Variants in SCHIP1 observed in about 807,000 individuals in gnomAD.
SCHIP1 encodes the protein schwannomin-interacting protein 1.
SCHIP1 carries 8 observed loss-of-function variants against 29.7 expected under a neutral mutation model. The observed-to-expected ratio is 0.27, with a 90% confidence interval of 0.16 to 0.49. The LOEUF is 0.49. Among genes scored for constraint, SCHIP1 ranks in the 20% least tolerant of loss-of-function variants. The pLI is 0.99. For missense variants in SCHIP1, 193 were observed against 294.6 expected (o/e 0.66, Z 2.52); for synonymous variants, 76 against 94.9 (o/e 0.80, Z 1.16).
chr3:159,551,389 G>GC, the SCHIP1 span, among the ~76,000 whole-genome samples: 7 of 152,112 alleles, frequency 4.6e-5, no homozygotes, highest in South Asian at 4.1e-4. Context: ...GCCTAAAATG[G>GC]CCTGCTGCGT....
At chr3:159,763,738 A>T in the SCHIP1 span, 5 of 152,346 alleles carry the variant, frequency 3.3e-5, no homozygotes, top group Admixed American at 3.3e-4. Context: ...CGCCCCGGCC[A>T]GGCACACCTT....
the SCHIP1 span, among the ~76,000 whole-genome samples, chr3:159,656,435 C>T: frequency 6.6e-6 from 1 of 152,060 alleles, no homozygotes; most frequent in Admixed American, 6.5e-5. Flanking sequence ...AGAGAGTTCT[C>T]GAAGAAAGGC....
At chr3:159,653,079 A>G in the SCHIP1 span, among the ~76,000 whole-genome samples, 8 of 152,146 alleles carry the variant, frequency 5.3e-5, no homozygotes, top group African/African-American at 1.9e-4. Flanking sequence ...AGGAAATAAG[A>G]TCTACTGTTT....
the SCHIP1 span, among the ~76,000 whole-genome samples, chr3:159,387,981 T>C: frequency 1.3e-5 from 2 of 152,158 alleles, no homozygotes; most frequent in Admixed American, 1.3e-4. Flanking sequence ...AGAAGAGCTA[T>C]TAGAAACATA....
At chr3:159,746,684 T>TCCTACCATTTCCAGCCTCTTTC in the SCHIP1 span, among the ~76,000 whole-genome samples, 4 of 152,198 alleles carry the variant, frequency 2.6e-5, no homozygotes, top group African/African-American at 7.2e-5. Flanking sequence ...CTCTTGCTTT[T>TCCTACCATTTCCAGCCTCTTTC]CCTACCATTT....
intron 2 of SCHIP1, among the ~76,000 whole-genome samples, chr3:159,882,590 T>C (rs1348377148): frequency 6.6e-6 from 1 of 152,212 alleles, no homozygotes; most frequent in East Asian, 1.9e-4. Context: ...CAGCAAACTT[T>C]AGGGCCATGA....
the SCHIP1 span, among the ~76,000 whole-genome samples, chr3:159,345,019 C>T: frequency 2.6e-5 from 4 of 152,062 alleles, no homozygotes; most frequent in South Asian, 4.2e-4. Flanking sequence ...GAGGCTGAGG[C>T]GCATTCAAGA....
intron 1 of SCHIP1, among the ~76,000 whole-genome samples, chr3:159,862,461 T>C (rs1714164574): frequency 6.6e-6 from 1 of 152,196 alleles, no homozygotes; most frequent in Non-Finnish European, 1.5e-5. Context: ...ACAGGTCAGG[T>C]ACAGCTGCTA....
the SCHIP1 span, among the ~76,000 whole-genome samples, chr3:159,415,130 C>T: frequency 6.6e-6 from 1 of 152,148 alleles, no homozygotes; most frequent in Admixed American, 6.6e-5. Flanking sequence ...GATTTGGCAC[C>T]AGCATGTTCA....
the SCHIP1 span, among the ~76,000 whole-genome samples, chr3:159,766,879 C>G: frequency 1.3e-5 from 2 of 152,182 alleles, no homozygotes; most frequent in Non-Finnish European, 2.9e-5. Context: ...ACCCCCAACG[C>G]ATCTTCTGGT....
chr3:159,444,545 G>T, the SCHIP1 span, among the ~76,000 whole-genome samples: 2 of 152,134 alleles, frequency 1.3e-5, no homozygotes, highest in Non-Finnish European at 2.9e-5. Flanking sequence ...GTTAAAAGTG[G>T]TTAATTGAAT....
At chr3:159,277,252 T>C in the SCHIP1 span, among the ~76,000 whole-genome samples, 1 of 152,292 alleles carries the variant, frequency 6.6e-6, no homozygotes, top group South Asian at 2.1e-4. Context: ...AGCATGTACA[T>C]TGATTACCCA....
the SCHIP1 span, among the ~76,000 whole-genome samples, chr3:159,751,542 ATTAT>A: frequency 7.1e-6 from 1 of 141,392 alleles, no homozygotes; most frequent in Non-Finnish European, 1.5e-5. Flanking sequence ...CTTCTGAACA[ATTAT>A]TTCTTTTTTT....
chr3:159,852,172 T>C (rs1712734016), intron 1 of SCHIP1, among the ~76,000 whole-genome samples: 1 of 152,226 alleles, frequency 6.6e-6, no homozygotes, highest in South Asian at 2.1e-4. Context: ...CAAAAGGTTA[T>C]CTTGAATAGC....
At chr3:159,520,029 T>C in the SCHIP1 span, among the ~76,000 whole-genome samples, 6 of 151,076 alleles carry the variant, frequency 4.0e-5, no homozygotes, top group African/African-American at 1.5e-4. Flanking sequence ...TTCACTTGTA[T>C]TGGGTTCCAG....
the SCHIP1 span, among the ~76,000 whole-genome samples, chr3:159,441,110 CAA>C: frequency 1.3e-5 from 2 of 152,202 alleles, no homozygotes; most frequent in South Asian, 2.1e-4. Context: ...AGACTCTGAC[CAA>C]AAGAGAGGCC....
chr3:159,571,865 G>C, the SCHIP1 span, among the ~76,000 whole-genome samples: 3 of 152,190 alleles, frequency 2.0e-5, no homozygotes, highest in African/African-American at 7.2e-5. Context: ...TAGGGTGTAT[G>C]TGTCGAGGAA....
the SCHIP1 span, among the ~76,000 whole-genome samples, chr3:159,715,182 T>C: frequency 0.29 from 44,105 of 152,162 alleles, 9,420 homozygotes; most frequent in African/African-American, 0.6. Context: ...AGCTGAAGGT[T>C]CTGACTGTTA....
chr3:159,609,686 C>G, the SCHIP1 span, among the ~76,000 whole-genome samples: 18 of 152,098 alleles, frequency 1.2e-4, no homozygotes, highest in Admixed American at 1.2e-3. Flanking sequence ...ACAGAAGCAG[C>G]CGCTTAAAAC....
Sources: allele counts gnomAD v4.1 joint callset (sites outside exome capture counted in the v4.1 genomes callset), GRCh38; gene constraint gnomAD v4.1.1; transcripts MANE v1.5; gene names NCBI Gene and HGNC (gene_info 2026-07-23, HGNC 2026-07-21).